C5orf24: variants seen among roughly 807,000 people sequenced by gnomAD.
The protein encoded by C5orf24 is chromosome 5 open reading frame 24.
C5orf24 carries 4 observed loss-of-function variants against 9.8 expected under a neutral mutation model. That is an observed-to-expected ratio of 0.41 (90% CI 0.20 to 0.93). The LOEUF (loss-of-function observed/expected upper bound fraction) is 0.93, where lower values mean the gene tolerates loss of function less well. Among genes scored for constraint, C5orf24 ranks in the 40% least tolerant of loss-of-function variants. The probability of loss-of-function intolerance (pLI) is 0.33; values close to 1 mark genes in which losing one functional copy is unlikely to be tolerated. For synonymous variants in C5orf24, 73 were observed against 81.3 expected (o/e 0.90, Z 0.55); for missense variants, 170 against 236.9 (o/e 0.72, Z 1.85).
the C5orf24 span, among the ~76,000 whole-genome samples, chr5:134,836,168 C>CTTTTTTTTTTTT: frequency 2.3e-5 from 2 of 86,434 alleles, no homozygotes; most frequent in Non-Finnish European, 4.3e-5. Flanking sequence ...CATTGAGAAG[C>CTTTTTTTTTTTT]TTTTTTTTTT....
chr5:134,851,669 AATC>A (rs139733354), intron 1 of C5orf24, among the ~76,000 whole-genome samples: 601 of 152,278 alleles, frequency 3.9e-3, no homozygotes, highest in Non-Finnish European at 6.7e-3. Flanking sequence ...TCTGAAGTTG[AATC>A]ATCAAAAGTC....
upstream of C5orf24, among the ~76,000 whole-genome samples, chr5:134,845,255 G>T (rs3748044): frequency 6.6e-6 from 1 of 152,062 alleles, no homozygotes; most frequent in Non-Finnish European, 1.5e-5. Flanking sequence ...TCTATGAATT[G>T]TCCATCCTCA....
chr5:134,844,276 C>T (rs1755941508), upstream of C5orf24, among the ~76,000 whole-genome samples: 1 of 152,074 alleles, frequency 6.6e-6, no homozygotes, highest in South Asian at 2.1e-4. Flanking sequence ...CATATTTTAA[C>T]TTTTCTATAT....
upstream of C5orf24, among the ~76,000 whole-genome samples, chr5:134,840,832 G>A (rs1755882206): frequency 6.6e-6 from 1 of 152,166 alleles, no homozygotes. Flanking sequence ...CATTGCACCT[G>A]TCTGGGAGGC....
chr5:134,858,799 C>T lies in C5orf24; in HGVS notation c.*3332C>T, dbSNP rs539422538. On this transcript the variant is annotated 3_prime_UTR_variant, in exon 2 of 2. Transcript: ENST00000394976. Reference sequence around the variant, plus strand: ...TTGGATATTAAAAAATATATTGGCACAATGTATTGGAAGAAAATGAGTAGT... The same window carrying T: ...TTGGATATTAAAAAATATATTGGCATAATGTATTGGAAGAAAATGAGTAGT... 1 of 166,230 alleles carries T rather than the reference C, an allele frequency of 6.0e-6. No individual in the cohort carries two copies. Among genetic ancestry groups the T allele is most frequent in the Non-Finnish European group, 1.5e-5 (1 of 68,026 alleles). The allele number at this position is 166,230 out of a possible 1,614,324, so 10.3% of individuals were successfully genotyped here.
chr5:134,848,494 TA>T lies in C5orf24; in HGVS notation c.-4+2296del, dbSNP rs34413979. Reference sequence around the variant, plus strand: ...CAACATGGTGAAACCTCGTTTCTACTAAAAAAAAAAAAAAGTATAAAAATTA... The same window carrying T: ...CAACATGGTGAAACCTCGTTTCTACTAAAAAAAAAAAAAGTATAAAAATTA... On this transcript the variant is annotated intron_variant, in intron 1 of 1. Transcript: ENST00000394976. Among the ~76,000 whole-genome samples the T allele has an allele frequency of 7.5e-3, 958 of 127,974 alleles. 1 individual carries two copies. The highest frequency in any genetic ancestry group is 0.014 in the African/African-American group (471 of 34,544). 84.0% of individuals were successfully genotyped at this position (127,974 alleles called of 152,430 possible).
At chr5:134,842,363 G>C (rs1755907013), upstream of C5orf24, among the ~76,000 whole-genome samples, 1 of 151,972 alleles carries the variant, frequency 6.6e-6, no homozygotes, top group Admixed American at 6.6e-5. Context: ...GGTAGCACAT[G>C]CCTATAGTCC....
At chr5:134,854,479 G>T (rs930197202) in intron 1 of C5orf24, among the ~76,000 whole-genome samples, 1 of 152,218 alleles carries the variant, frequency 6.6e-6, no homozygotes. Flanking sequence ...AGGCCAACAG[G>T]AGGCATTCTA....
chr5:134,850,022 A>G (rs1403351739), intron 1 of C5orf24, among the ~76,000 whole-genome samples: 1 of 152,126 alleles, frequency 6.6e-6, no homozygotes, highest in East Asian at 1.9e-4. Flanking sequence ...TTGTGCTTAG[A>G]ATAGTGTTTT....
intron 1 of C5orf24, among the ~76,000 whole-genome samples, chr5:134,848,121 G>A (rs1388228949): frequency 2.7e-5 from 4 of 150,388 alleles, no homozygotes; most frequent in African/African-American, 7.3e-5. Context: ...GACCATCCTG[G>A]CTAACATGGT....
At chr5:134,849,677 A>AG (rs1756102782) in intron 1 of C5orf24, among the ~76,000 whole-genome samples, 2 of 128,210 alleles carry the variant, frequency 1.6e-5, no homozygotes, top group Admixed American at 7.9e-5. Flanking sequence ...TTTTTTTTAA[A>AG]GAGAGAGTCT....
At chr5:134,853,528 C>CTTCTTTTTTTTTTTTTTTTTTT (rs1756223114) in intron 1 of C5orf24, among the ~76,000 whole-genome samples, 1 of 104,242 alleles carries the variant, frequency 9.6e-6, no homozygotes, top group African/African-American at 3.5e-5. Flanking sequence ...TCTTCTTCTT[C>CTTCTTTTTTTTTTTTTTTTTTT]TTTTTTTTTT....
the C5orf24 span, among the ~76,000 whole-genome samples, chr5:134,834,571 A>G: frequency 1.3e-5 from 2 of 152,154 alleles, no homozygotes; most frequent in African/African-American, 2.4e-5. Flanking sequence ...GGGAGCTTCA[A>G]AGAGAGCATA....
Position 134,859,372 on chromosome 5 carries a change from C to T in C5orf24, c.*3905C>T, listed in dbSNP as rs1050535503. On this transcript the variant is annotated 3_prime_UTR_variant, in exon 2 of 2. Transcript: ENST00000394976. ...TGTATCTGAATCTTTCCTTTTTTCC[C>T]CCCTCCTCCAAATATATAAATCTGT... 3 of 166,540 alleles carry T rather than the reference C, an allele frequency of 1.8e-5. No homozygotes were observed. The highest frequency in any genetic ancestry group is 2.9e-5 in the Non-Finnish European group (2 of 68,014). The allele number at this position is 166,540 out of a possible 1,614,324, so 10.3% of individuals were successfully genotyped here. A position where few individuals can be genotyped will look rare whatever the true frequency, so the allele number is the denominator to read the frequency against.
At chr5:134,842,286 T>TC (rs1461018385), upstream of C5orf24, among the ~76,000 whole-genome samples, 1 of 152,052 alleles carries the variant, frequency 6.6e-6, no homozygotes, top group Non-Finnish European at 1.5e-5. Context: ...GGTCAGGAGT[T>TC]CAAGACCAGC....
chr5:134,856,329 T>C lies in C5orf24; in HGVS notation c.*862T>C. On this transcript the variant is annotated 3_prime_UTR_variant, in exon 2 of 2. Transcript: ENST00000394976. The stretch of plus-strand genomic sequence containing the variant: ...TAGTCACTATATTTTGCCTTTCATA[T>C]AGAAAGTTTTAAAGTATTATGTTTA... 1.0e-6 allele frequency: 1 copy of C among 994,914 alleles called. No individual in the cohort carries two copies. The highest frequency in any genetic ancestry group is 1.2e-6 in the Non-Finnish European group (1 of 825,184). The allele number at this position is 994,914 out of a possible 1,614,324, so 61.6% of individuals were successfully genotyped here.
At chr5:134,839,056 A>G in the C5orf24 span, among the ~76,000 whole-genome samples, 1 of 152,150 alleles carries the variant, frequency 6.6e-6, no homozygotes, top group South Asian at 2.1e-4. Context: ...AAAACATACA[A>G]AAATTGGCCC....
In C5orf24 at chr5:134,856,847, C is replaced by T. The variant is rs1254040294; in HGVS notation, c.*1380C>T. The T allele has an allele frequency of 1.0e-6, 1 of 1,000,096 alleles. No homozygotes were observed. The highest frequency in any genetic ancestry group is 1.2e-6 in the Non-Finnish European group (1 of 830,104). 62.0% of individuals were successfully genotyped at this position (1,000,096 alleles called of 1,614,324 possible). On this transcript the variant is annotated 3_prime_UTR_variant, in exon 2 of 2. Coordinates refer to ENST00000394976, the MANE Select transcript of C5orf24 (RefSeq NM_001135586.1). ...TATAAACAGAATGCAGTTTCCCGAC[C>T]ATCAGAACCCAAATATTAAGAAGCA...
chr5:134,859,725 C>G lies in C5orf24; in HGVS notation c.*4258C>G, dbSNP rs1756397523. On this transcript the variant is annotated 3_prime_UTR_variant, in exon 2 of 2. Coordinates refer to ENST00000394976, the MANE Select transcript of C5orf24 (RefSeq NM_001135586.1). The stretch of plus-strand genomic sequence containing the variant: ...TGTATATTTATTAATAAAGTCATTA[C>G]TTTAAAACCAGCTATGTTTACTATG... The G allele has an allele frequency of 6.0e-6, 1 of 166,288 alleles. No individual in the cohort carries two copies. Among genetic ancestry groups the G allele is most frequent in the South Asian group, 2.1e-4 (1 of 4,826 alleles). 10.3% of individuals were successfully genotyped at this position (166,288 alleles called of 1,614,324 possible). A position where few individuals can be genotyped will look rare whatever the true frequency, so the allele number is the denominator to read the frequency against.
Sources: allele counts gnomAD v4.1 joint callset (sites outside exome capture counted in the v4.1 genomes callset), GRCh38; gene constraint gnomAD v4.1.1; transcripts MANE v1.5; gene names NCBI Gene and HGNC (gene_info 2026-07-23, HGNC 2026-07-21).